XYLT1: variants seen among roughly 807,000 people sequenced by gnomAD.
The protein encoded by XYLT1 is xylosyltransferase 1, also known as beta-D-xylosyltransferase 1.
In XYLT1, 36 loss-of-function variants were observed where a neutral mutation model predicts 91.3. That is an observed-to-expected ratio of 0.39 (90% CI 0.30 to 0.52). The LOEUF (loss-of-function observed/expected upper bound fraction) is 0.52, where lower values mean the gene tolerates loss of function less well. Among genes scored for constraint, XYLT1 ranks in the 20% least tolerant of loss-of-function variants. XYLT1 has a pLI of 0.68. For missense variants in XYLT1, 1,242 were observed against 1,284.5 expected (o/e 0.97, Z 0.51); for synonymous variants, 588 against 532.0 (o/e 1.11, Z -1.45).
chr16:17,357,172 CAAAAAAAAAAAAA>C (rs1168668915), intron 2 of XYLT1, among the ~76,000 whole-genome samples: 4 of 41,642 alleles, frequency 9.6e-5, no homozygotes, highest in African/African-American at 1.9e-4. Context: ...GACTCGGTCT[CAAAAAAAAAAAAA>C]AAAAAAAAAA....
chr16:17,208,719 T>C (rs1403651045), intron 3 of XYLT1, among the ~76,000 whole-genome samples: 3 of 152,112 alleles, frequency 2.0e-5, no homozygotes, highest in African/African-American at 7.2e-5. Context: ...TAACATATAA[T>C]TTACTATTTT....
At chr16:17,283,868 A>G (rs960649167) in intron 2 of XYLT1, among the ~76,000 whole-genome samples, 1 of 152,184 alleles carries the variant, frequency 6.6e-6, no homozygotes, top group African/African-American at 2.4e-5. Flanking sequence ...TTTGACAACC[A>G]TGAATTAGGA....
chr16:17,247,158 T>TTCATTCACTCATTCAC (rs553468886), intron 3 of XYLT1, among the ~76,000 whole-genome samples: 2 of 151,816 alleles, frequency 1.3e-5, no homozygotes, highest in African/African-American at 4.9e-5. Context: ...CATTCATTTA[T>TTCATTCACTCATTCAC]TCATTCACTC....
chr16:17,416,735 C>T lies in XYLT1; in HGVS notation c.363+53699G>A, dbSNP rs181073810. On this transcript the variant is annotated intron_variant, in intron 1 of 11. Transcript: ENST00000261381. ...CAGGACAGATTTACGGAATTCTCAG[C>T]GGCTGCCTCCACCAGGGGTTGCCAG... Among the ~76,000 whole-genome samples the T allele has an allele frequency of 7.9e-5, 12 of 152,292 alleles. No individual in the cohort carries two copies. In the South Asian group the frequency reaches 8.3e-4, roughly 11 times the overall value.
intron 3 of XYLT1, among the ~76,000 whole-genome samples, chr16:17,252,795 C>A (rs1185969241): frequency 6.6e-6 from 1 of 152,126 alleles, no homozygotes; most frequent in Non-Finnish European, 1.5e-5. Flanking sequence ...AAATCTATTT[C>A]TCTTCCCCTG....
intron 2 of XYLT1, among the ~76,000 whole-genome samples, chr16:17,335,896 T>C (rs73535345): frequency 0.016 from 2,485 of 152,322 alleles, 65 homozygotes; most frequent in African/African-American, 0.057. Flanking sequence ...GGAAGGTAAC[T>C]AGAAAAATAA....
chr16:17,414,911 C>T (rs760832396), intron 1 of XYLT1, among the ~76,000 whole-genome samples: 60 of 152,102 alleles, frequency 3.9e-4, no homozygotes, highest in Non-Finnish European at 6.2e-4. Context: ...ACTGTGTGGA[C>T]GGTAACTGCG....
intron 1 of XYLT1, among the ~76,000 whole-genome samples, chr16:17,463,849 G>C (rs902327645): frequency 6.6e-6 from 1 of 152,228 alleles, no homozygotes; most frequent in Non-Finnish European, 1.5e-5. Flanking sequence ...GTGCCCATCG[G>C]TGGATGAATG....
chr16:17,348,814 G>A (rs955913556), intron 2 of XYLT1, among the ~76,000 whole-genome samples: 5 of 152,138 alleles, frequency 3.3e-5, no homozygotes, highest in Non-Finnish European at 7.3e-5. Flanking sequence ...TTCTAGCATC[G>A]AAACCTTCTC....
intron 6 of XYLT1, among the ~76,000 whole-genome samples, chr16:17,152,184 T>G (rs761471672): frequency 3.3e-5 from 5 of 152,306 alleles, no homozygotes; most frequent in African/African-American, 9.6e-5. Context: ...ACACTGGGAA[T>G]GTACTTCCCC....
intron 3 of XYLT1, among the ~76,000 whole-genome samples, chr16:17,212,072 C>T (rs1306143471): frequency 6.6e-6 from 1 of 152,220 alleles, no homozygotes; most frequent in African/African-American, 2.4e-5. Context: ...TGTTCTAGGA[C>T]AAGCTCTCTA....
chr16:17,465,563 G>GCC (rs1297504733), intron 1 of XYLT1, among the ~76,000 whole-genome samples: 3 of 142,404 alleles, frequency 2.1e-5, no homozygotes, highest in African/African-American at 7.6e-5. Context: ...TTTTGGGGGG[G>GCC]GGGGGGGTGA....
Position 17,255,104 on chromosome 16 carries a change from C to G in XYLT1, c.913+3884G>C, listed in dbSNP as rs192634959. On this transcript the variant is annotated intron_variant, in intron 3 of 11. Transcript: ENST00000261381. Reference sequence around the variant, plus strand: ...CTCTGCCCCTTGGGTTCAAGCAATTCTCCTGCCTCAGCCTCTAGAGTAGCT... The same window carrying G: ...CTCTGCCCCTTGGGTTCAAGCAATTGTCCTGCCTCAGCCTCTAGAGTAGCT... 2.4e-4 allele frequency among the ~76,000 whole-genome samples: 35 copies of G among 146,876 alleles called. No homozygotes were observed. In the East Asian group the frequency reaches 2.5e-3, roughly 10 times the overall value.
rs139885784 is a variant in XYLT1, at chr16:17,357,038, G to A, written c.402+974C>T. Among the ~76,000 whole-genome samples the A allele has an allele frequency of 7.6e-3, 1,159 of 151,772 alleles. 10 individuals are homozygous for A. The highest frequency in any genetic ancestry group is 0.011 in the Non-Finnish European group (741 of 67,940). ...AAAAATATTAAAAAATTAGCCGGGCGTGGCAGCGTGCGCCTGTAGTCCCAG... is the reference window on the plus strand; with the variant it reads ...AAAAATATTAAAAAATTAGCCGGGCATGGCAGCGTGCGCCTGTAGTCCCAG... On this transcript the variant is annotated intron_variant, in intron 2 of 11. Coordinates refer to ENST00000261381, the MANE Select transcript of XYLT1 (RefSeq NM_022166.4).
intron 10 of XYLT1, among the ~76,000 whole-genome samples, chr16:17,126,960 A>G (rs1367350425): frequency 1.3e-5 from 2 of 152,238 alleles, no homozygotes; most frequent in Admixed American, 6.5e-5. Flanking sequence ...AAGCAACAAG[A>G]TAATTTTAGA....
chr16:17,107,634 T>C lies in XYLT1; in HGVS notation c.*1061A>G, dbSNP rs1023922851. Reference sequence around the variant, plus strand: ...CACTCCCAACAGCACCGGTGTGCAATTGACGAAGGTTTTGTGTGTCTGACC... The same window carrying C: ...CACTCCCAACAGCACCGGTGTGCAACTGACGAAGGTTTTGTGTGTCTGACC... On this transcript the variant is annotated 3_prime_UTR_variant, in exon 12 of 12. Transcript: ENST00000261381. The C allele has an allele frequency of 9.2e-5, 14 of 152,736 alleles. No homozygotes were observed. The highest frequency in any genetic ancestry group is 2.1e-4 in the South Asian group (1 of 4,828). The allele number at this position is 152,736 out of a possible 1,614,324, so 9.5% of individuals were successfully genotyped here. A position where few individuals can be genotyped will look rare whatever the true frequency, so the allele number is the denominator to read the frequency against.
At chr16:17,379,463 C>G (rs893085133) in intron 1 of XYLT1, among the ~76,000 whole-genome samples, 22 of 152,160 alleles carry the variant, frequency 1.4e-4, no homozygotes, top group Admixed American at 1.2e-3. Context: ...GGCTTTTCAG[C>G]AAACTGGAAT....
At chr16:17,182,495 A>G (rs543928329) in intron 5 of XYLT1, among the ~76,000 whole-genome samples, 2 of 152,252 alleles carry the variant, frequency 1.3e-5, no homozygotes, top group South Asian at 4.1e-4. Context: ...CCTATCTCCA[A>G]GTACAAGGGT....
intron 2 of XYLT1, among the ~76,000 whole-genome samples, chr16:17,305,645 A>G (rs1424090185): frequency 6.6e-6 from 1 of 151,858 alleles, no homozygotes; most frequent in East Asian, 1.9e-4. Flanking sequence ...CGATCTCCTG[A>G]CCTCATGATC....
Sources: gnomAD v4.1 joint callset for allele counts (sites outside exome capture counted in the v4.1 genomes callset) on GRCh38, gnomAD v4.1.1 for gene constraint, MANE v1.5 for transcripts, NCBI Gene and HGNC (gene_info 2026-07-23, HGNC 2026-07-21) for gene names.